Variants in CDH4 observed in about 807,000 individuals in gnomAD.
CDH4 encodes the protein cadherin-4.
In CDH4, 33 loss-of-function variants were observed where a neutral mutation model predicts 86.0. The ratio of observed to expected loss-of-function variants is 0.38; its 90% CI spans 0.29 to 0.51. The LOEUF is 0.51. Among genes scored for constraint, CDH4 ranks in the 20% least tolerant of loss-of-function variants. CDH4 has a pLI of 0.86. For synonymous variants in CDH4, 555 were observed against 549.4 expected (o/e 1.01, Z -0.14); for missense variants, 1,114 against 1,307.4 (o/e 0.85, Z 2.28).
At chr20:61,642,878 C>T (rs1379623723) in intron 2 of CDH4, among the ~76,000 whole-genome samples, 1 of 152,160 alleles carries the variant, frequency 6.6e-6, no homozygotes, top group African/African-American at 2.4e-5. Context: ...TCCATCCTCG[C>T]ATCTCCTACT....
rs1375549108 is a variant in CDH4, at chr20:61,393,960, T to C, written c.169+139023T>C. Among the ~76,000 whole-genome samples the C allele has an allele frequency of 1.3e-5, 2 of 152,194 alleles. No individual in the cohort carries two copies. The highest frequency in any genetic ancestry group is 2.9e-5 in the Non-Finnish European group (2 of 68,030). ...ACTGCCCCATATTCTATTATACCAA[T>C]GTAATCTAATAACATTGCTCTATCT... On this transcript the variant is annotated intron_variant, in intron 2 of 15. Transcript: ENST00000614565. This position sits in a 1 kb window ranked among gnomAD's most constrained non-coding sequence, Gnocchi z 4.3.
In CDH4 at chr20:61,754,295, C is replaced by A. The variant is rs6142679; in HGVS notation, c.396+10506C>A. 0.23 allele frequency among the ~76,000 whole-genome samples: 35,302 copies of A among 152,054 alleles called. 4,407 individuals carry two copies. Among genetic ancestry groups the A allele is most frequent in the East Asian group, 0.31 (1,609 of 5,130 alleles). On this transcript the variant is annotated intron_variant, in intron 3 of 15. Transcript: ENST00000614565. The surrounding 1 kb of genome is among the most constrained non-coding windows in gnomAD (Gnocchi z 4.7). ...ACTCAGATGGCAGAGTGCAGACAGA[C>A]CCCAAGGCATCCCCGAAGGCAGGGA...
intron 2 of CDH4, among the ~76,000 whole-genome samples, chr20:61,714,023 T>TATGTTATGTTATGTTATGTTATGTTATG (rs2087922880): frequency 3.2e-5 from 4 of 123,912 alleles, no homozygotes; most frequent in South Asian, 3.0e-4. Flanking sequence ...CTATTCTTTT[T>TATGTTATGTTATGTTATGTTATGTTATG]TTATTTTATT....
At chr20:61,530,596 G>A (rs916263773) in intron 2 of CDH4, among the ~76,000 whole-genome samples, 1 of 152,184 alleles carries the variant, frequency 6.6e-6, no homozygotes, top group African/African-American at 2.4e-5. Flanking sequence ...AGCCAGGGAG[G>A]CAGTCGAAGG....
chr20:61,500,109 G>C (rs755521951), intron 2 of CDH4, among the ~76,000 whole-genome samples: 33 of 152,238 alleles, frequency 2.2e-4, no homozygotes, highest in Non-Finnish European at 3.7e-4. Flanking sequence ...CAGCCAGGAG[G>C]AGGAGGCCCA....
At chr20:61,936,681 A>T in intron 15 of CDH4, 56 bp from the exon 16 acceptor site, 4 of 1,401,926 alleles carry the variant, frequency 2.9e-6, no homozygotes, top group Non-Finnish European at 3.8e-6. Context: ...GTTCCATCTG[A>T]TCCCGGGGCT....
intron 4 of CDH4, among the ~76,000 whole-genome samples, chr20:61,785,917 A>C (rs943908707): frequency 6.6e-6 from 1 of 152,134 alleles, no homozygotes; most frequent in African/African-American, 2.4e-5. Context: ...CTTTCCTCCA[A>C]AGGAACCTTC....
intron 4 of CDH4, among the ~76,000 whole-genome samples, chr20:61,775,995 T>C (rs1175264642): frequency 6.6e-6 from 1 of 152,116 alleles, no homozygotes; most frequent in African/African-American, 2.4e-5. Context: ...CATCTCCTGA[T>C]GGACAGTGGA....
At chr20:61,388,738 G>A (rs1410329304) in intron 2 of CDH4, among the ~76,000 whole-genome samples, 1 of 152,230 alleles carries the variant, frequency 6.6e-6, no homozygotes, top group Admixed American at 6.5e-5. Context: ...GTGTATACAT[G>A]TGTATGCGTG....
intron 2 of CDH4, among the ~76,000 whole-genome samples, chr20:61,706,440 G>A (rs879847365): frequency 7.2e-5 from 11 of 152,208 alleles, no homozygotes; most frequent in Non-Finnish European, 1.6e-4. Flanking sequence ...ATAACATGTG[G>A]GGCACGGTCT....
intron 2 of CDH4, among the ~76,000 whole-genome samples, chr20:61,278,265 G>C (rs1213588571): frequency 2.0e-5 from 3 of 152,212 alleles, no homozygotes; most frequent in Non-Finnish European, 4.4e-5. Context: ...TGACCTGCAG[G>C]AACTAAGATC....
intron 2 of CDH4, among the ~76,000 whole-genome samples, chr20:61,740,303 T>C (rs2088318003): frequency 6.6e-6 from 1 of 152,152 alleles, no homozygotes; most frequent in African/African-American, 2.4e-5. Flanking sequence ...CATGTCTCCC[T>C]TGAGGCTGCC....
Position 61,703,026 on chromosome 20 carries a change from G to A in CDH4, c.170-40537G>A, listed in dbSNP as rs140527455. ...CAAGCCTTTCTTCATCTCACTCTGCGTGCCGTGGTCAGTGCCATGTTTTCG... is the reference window on the plus strand; with the variant it reads ...CAAGCCTTTCTTCATCTCACTCTGCATGCCGTGGTCAGTGCCATGTTTTCG... On this transcript the variant is annotated intron_variant, in intron 2 of 15. Transcript: ENST00000614565. The surrounding 1 kb of genome is among the most constrained non-coding windows in gnomAD (Gnocchi z 4.3). Among the ~76,000 whole-genome samples the A allele has an allele frequency of 5.3e-5, 8 of 152,264 alleles. 1 individual carries two copies. In the East Asian group the frequency reaches 1.4e-3, roughly 26 times the overall value.
intron 2 of CDH4, among the ~76,000 whole-genome samples, chr20:61,365,633 T>A (rs1370822133): frequency 6.6e-6 from 1 of 152,030 alleles, no homozygotes; most frequent in Non-Finnish European, 1.5e-5. Flanking sequence ...GGAAGCTGGG[T>A]CTGAACCTGC....
rs1333766968 is a variant in CDH4, at chr20:61,252,706, C to G, written c.57+136C>G. 2 of 399,132 alleles carry G rather than the reference C, an allele frequency of 5.0e-6. No individual in the cohort carries two copies. The highest frequency in any genetic ancestry group is 7.8e-6 in the Non-Finnish European group (2 of 257,096). The allele number at this position is 399,132 out of a possible 1,614,324, so 24.7% of individuals were successfully genotyped here. ...GCCGCGCTCCCCGCTGCATCCAGCC[C>G]GGCGCCCGCGCTCGGCGAAGCTGCC... On this transcript the variant is annotated intron_variant, in intron 1 of 15. Transcript: ENST00000614565. The surrounding 1 kb of genome is among the most constrained non-coding windows in gnomAD (Gnocchi z 4.4).
chr20:61,936,411 C>T, intron 15 of CDH4, among the ~76,000 whole-genome samples: 1 of 10,860 alleles, frequency 9.2e-5, no homozygotes, highest in South Asian at 7.0e-3. Context: ...CCTCCCCCCT[C>T]TCCCACACCC....
chr20:61,292,927 C>G (rs1667854713), intron 2 of CDH4, among the ~76,000 whole-genome samples: 2 of 152,138 alleles, frequency 1.3e-5, no homozygotes, highest in Admixed American at 1.3e-4. Context: ...CCCCACAAGG[C>G]AGGCAGTGCC....
rs2146041255 is a variant in CDH4, at chr20:61,807,720, A to G, written c.576+34538A>G. 6.6e-6 allele frequency among the ~76,000 whole-genome samples: 1 copy of G among 152,350 alleles called. No homozygotes were observed. Among genetic ancestry groups the G allele is most frequent in the East Asian group, 1.9e-4 (1 of 5,180 alleles). ...TTCAGACTCAAACGGTGTGATGAACAAACCGACTCGGAAAATGCCTGGCGC... is the reference window on the plus strand; with the variant it reads ...TTCAGACTCAAACGGTGTGATGAACGAACCGACTCGGAAAATGCCTGGCGC... On this transcript the variant is annotated intron_variant, in intron 4 of 15. Coordinates refer to ENST00000614565, the MANE Select transcript of CDH4 (RefSeq NM_001794.5). The surrounding 1 kb of genome is among the most constrained non-coding windows in gnomAD (Gnocchi z 4.5).
At chr20:61,755,861 G>A (rs1450525533) in intron 3 of CDH4, among the ~76,000 whole-genome samples, 1 of 152,146 alleles carries the variant, frequency 6.6e-6, no homozygotes, top group Non-Finnish European at 1.5e-5. Flanking sequence ...ACATGCGCAG[G>A]TGTTGCACAC....
Sources: gnomAD v4.1 joint callset for allele counts (sites outside exome capture counted in the v4.1 genomes callset) on GRCh38, gnomAD v4.1.1 for gene constraint, Gnocchi (gnomAD v3.1) non-coding constraint, MANE v1.5 for transcripts, NCBI Gene and HGNC (gene_info 2026-07-23, HGNC 2026-07-21) for gene names.